PARP15: variants seen among roughly 807,000 people sequenced by gnomAD.
The protein encoded by PARP15 is poly(ADP-ribose) polymerase family member 15, also known as protein mono-ADP-ribosyltransferase PARP15.
PARP15 carries 50 observed loss-of-function variants against 62.1 expected under a neutral mutation model. The observed-to-expected ratio is 0.81, with a 90% CI of 0.64 to 1.02. The LOEUF (loss-of-function observed/expected upper bound fraction) is 1.02. Ranked by LOEUF, PARP15 falls within the 50% of genes least tolerant of loss-of-function variation. The pLI, the probability that PARP15 is intolerant of heterozygous loss-of-function variation, is 0.00. For synonymous variants in PARP15, 309 were observed against 293.1 expected (o/e 1.05, Z -0.55); for missense variants, 820 against 826.5 (o/e 0.99, Z 0.10).
intron 6 of PARP15, among the ~76,000 whole-genome samples, chr3:122,617,752 G>A (rs368966466): frequency 4.6e-5 from 7 of 151,982 alleles, no homozygotes; most frequent in East Asian, 1.9e-4. Flanking sequence ...TTTTTGAGGC[G>A]GAGTCTCACT....
At chr3:122,586,622 T>G (rs568899079) in intron 1 of PARP15, among the ~76,000 whole-genome samples, 80 of 152,348 alleles carry the variant, frequency 5.3e-4, no homozygotes, top group African/African-American at 1.9e-3. Flanking sequence ...TATTTAAGGA[T>G]GCATTTTTAA....
chr3:122,622,395 C>T (rs998442180), intron 8 of PARP15, among the ~76,000 whole-genome samples: 2 of 152,180 alleles, frequency 1.3e-5, no homozygotes, highest in Non-Finnish European at 2.9e-5. Context: ...GGTGCCATGA[C>T]GCTCCCAGCT....
intron 1 of PARP15, among the ~76,000 whole-genome samples, chr3:122,604,589 T>C (rs143625026): frequency 0.012 from 1,827 of 152,064 alleles, 29 homozygotes; most frequent in African/African-American, 0.042. Context: ...GTGTGGTGGC[T>C]CGCACCTGTA....
At position 122,577,717 on chromosome 3, in the gene PARP15, C is replaced by A; in HGVS notation, c.50C>A (p.Pro17Gln). 2 of 1,551,684 alleles carry A rather than the reference C, an allele frequency of 1.3e-6. No individual in the cohort carries two copies. Among genetic ancestry groups the A allele is most frequent in the South Asian group, 1.2e-5 (1 of 84,056 alleles). ...GCCGCTGCTCTGAGTCCAGGGGCTC[C>A]GACCCCCAGAGAACTTATGCACGGA... The part of the protein sequence containing the change: ...LPAAALSPGA[P>Q]TPRELMHGVA... The change falls in exon 1 of 12, where the codon CCG (proline) becomes CAG (glutamine). Residue 17 changes from proline (P) to glutamine (Q), a missense_variant. Physicochemically the swap from Pro to Gln is moderately conservative, Grantham distance 76. This residue lies in a region of PARP15 where 731 missense variants were observed against 727.7 expected (regional missense o/e 1.00). Transcript: ENST00000464300.
intron 1 of PARP15, among the ~76,000 whole-genome samples, chr3:122,592,033 G>A (rs1933966853): frequency 6.6e-6 from 1 of 152,200 alleles, no homozygotes; most frequent in African/African-American, 2.4e-5. Context: ...ATGGTGTAGT[G>A]ATTCCTCAAA....
intron 5 of PARP15, among the ~76,000 whole-genome samples, chr3:122,616,755 C>T (rs867978743): frequency 1.6e-4 from 25 of 152,266 alleles, no homozygotes; most frequent in Non-Finnish European, 3.1e-4. Context: ...AGTAAACAGA[C>T]TGACACTATC....
intron 1 of PARP15, among the ~76,000 whole-genome samples, chr3:122,579,999 G>GTATATATGTATA (rs1553725410): frequency 0.011 from 679 of 64,410 alleles, 28 homozygotes; most frequent in East Asian, 0.049. Flanking sequence ...GCAACTATAT[G>GTATATATGTATA]TATATATATA....
chr3:122,610,798 A>G, intron 3 of PARP15, 68 bp downstream of exon 3: 2 of 1,376,994 alleles, frequency 1.5e-6, no homozygotes, highest in Non-Finnish European at 1.9e-6. Context: ...TGTGGTATAG[A>G]TCTGTGCTCA....
chr3:122,618,396 C>T (rs1012262209), intron 6 of PARP15, among the ~76,000 whole-genome samples: 1 of 152,094 alleles, frequency 6.6e-6, no homozygotes, highest in African/African-American at 2.4e-5. Flanking sequence ...CAAAAGATAA[C>T]AAATTTTTAG....
At chr3:122,594,405 C>T in intron 1 of PARP15, 1 of 355,526 alleles carries the variant, frequency 2.8e-6, no homozygotes, top group Non-Finnish European at 3.9e-6. Flanking sequence ...ATTGAGAAAA[C>T]AATATTGTGT....
At chr3:122,633,423 T>C (rs1252567460) in intron 10 of PARP15, among the ~76,000 whole-genome samples, 1 of 152,206 alleles carries the variant, frequency 6.6e-6, no homozygotes, top group East Asian at 1.9e-4. Context: ...CCTGGGCCTC[T>C]GAATCGATAG....
At chr3:122,621,086 G>C (rs1936309749) in intron 7 of PARP15, among the ~76,000 whole-genome samples, 1 of 152,126 alleles carries the variant, frequency 6.6e-6, no homozygotes, top group Non-Finnish European at 1.5e-5. Context: ...GGCTGCTTGG[G>C]TTCGAGTCCT....
chr3:122,628,339 G>A (rs958311115), intron 9 of PARP15, among the ~76,000 whole-genome samples: 2 of 152,134 alleles, frequency 1.3e-5, no homozygotes, highest in African/African-American at 2.4e-5. Context: ...GCTAGAGGGG[G>A]TCACCATCCG....
At chr3:122,621,231 C>T in intron 7 of PARP15, 1 of 515,224 alleles carries the variant, frequency 1.9e-6, no homozygotes, top group Non-Finnish European at 3.4e-6. Context: ...TTGAACAGCA[C>T]CCCAAATACT....
chr3:122,588,029 TG>T (rs1159598159), intron 1 of PARP15, among the ~76,000 whole-genome samples: 1 of 152,220 alleles, frequency 6.6e-6, no homozygotes, highest in African/African-American at 2.4e-5. Context: ...ATATATCTTT[TG>T]CAAAAATTTT....
At position 122,617,156 on chromosome 3, in the gene PARP15, G is replaced by A. The variant is rs530161108; in HGVS notation, c.992G>A (p.Arg331Gln). The A allele has an allele frequency of 2.9e-5, 47 of 1,611,452 alleles. No homozygotes were observed. The highest frequency in any genetic ancestry group is 1.6e-4 in the Middle Eastern group (1 of 6,076). ...IVNSTARTFN[R>Q]KSGVSRAILE... ...AACTCAACAGCAAGGACATTTAATC[G>A]GAAATCAGGTACTTTATTTAAGCAA... Residue 331 changes from arginine (R) to glutamine (Q), a missense_variant, in exon 6 of 12, where the codon CGG (arginine) becomes CAG (glutamine). Around this residue, in one of 3 missense-constraint regions of PARP15, gnomAD observed 731 missense variants for 727.7 expected, o/e 1.00. Coordinates refer to ENST00000464300, the MANE Select transcript of PARP15 (RefSeq NM_001113523.3).
At chr3:122,585,939 C>A (rs6779511) in intron 1 of PARP15, among the ~76,000 whole-genome samples, 56,459 of 151,930 alleles carry the variant, frequency 0.37, 10,911 homozygotes, top group Admixed American at 0.46. Context: ...ATGCGAATCC[C>A]TATCAATTGC....
chr3:122,632,476 A>G (rs1937115650), intron 10 of PARP15, among the ~76,000 whole-genome samples: 1 of 152,234 alleles, frequency 6.6e-6, no homozygotes, highest in Non-Finnish European at 1.5e-5. Context: ...CTGATTAAAC[A>G]AGGAGAACTG....
intron 1 of PARP15, among the ~76,000 whole-genome samples, chr3:122,599,527 T>C (rs73192169): frequency 4.1e-5 from 6 of 147,774 alleles, no homozygotes; most frequent in African/African-American, 7.5e-5. Flanking sequence ...TTTTTTCTTT[T>C]CTTTCCTTTC....
Sources: allele counts gnomAD v4.1 joint callset (sites outside exome capture counted in the v4.1 genomes callset), GRCh38; gene constraint gnomAD v4.1.1; regional missense constraint gnomAD v4.1.1; transcripts MANE v1.5; gene names NCBI Gene and HGNC (gene_info 2026-07-23, HGNC 2026-07-21).